Variants in MOCOS observed in about 807,000 individuals in gnomAD.
MOCOS encodes molybdenum cofactor sulfurase.
Under a neutral mutation model 83.6 loss-of-function variants are expected in MOCOS, and 86 were observed. That is an observed-to-expected ratio of 1.03 (90% CI 0.86 to 1.23). The LOEUF (loss-of-function observed/expected upper bound fraction) is 1.23. Among genes scored for constraint, MOCOS ranks in the 50% most tolerant of loss-of-function variants. The pLI, the probability that MOCOS is intolerant of heterozygous loss-of-function variation, is 0.00. For missense variants in MOCOS, 1,120 were observed against 1,126.9 expected (o/e 0.99, Z 0.09); for synonymous variants, 445 against 434.7 (o/e 1.02, Z -0.29).
chr18:36,202,505 T>G (rs980815967), intron 4 of MOCOS, among the ~76,000 whole-genome samples: 7 of 152,050 alleles, frequency 4.6e-5, no homozygotes, highest in Non-Finnish European at 7.4e-5. Flanking sequence ...CCCTAGGAAA[T>G]TTAGAGCAGC....
At chr18:36,191,765 CACACAT>C (rs1016529928) in intron 1 of MOCOS, among the ~76,000 whole-genome samples, 19 of 148,184 alleles carry the variant, frequency 1.3e-4, no homozygotes, top group African/African-American at 3.0e-4. Flanking sequence ...CACACACACA[CACACAT>C]GTGAGCCATA....
At chr18:36,256,254 C>A (rs978154713) in intron 11 of MOCOS, among the ~76,000 whole-genome samples, 1 of 152,064 alleles carries the variant, frequency 6.6e-6, no homozygotes, top group African/African-American at 2.4e-5. Flanking sequence ...TGGCACTTGC[C>A]CAAGGGCAAA....
intron 3 of MOCOS, among the ~76,000 whole-genome samples, chr18:36,199,427 T>C (rs1038328153): frequency 6.6e-6 from 1 of 152,232 alleles, no homozygotes; most frequent in Non-Finnish European, 1.5e-5. Flanking sequence ...GTATCAACTC[T>C]GATTAAGTTT....
chr18:36,200,025 C>T lies in MOCOS; in HGVS notation c.642C>T (p.Ser214=). The change falls in exon 4 of 15, where the codon TCC becomes TCT. Residue 214 remains serine (S), a synonymous_variant. Coordinates refer to ENST00000261326, the MANE Select transcript of MOCOS (RefSeq NM_017947.4). ...SNFSGVRYPL[S]WIEEVKSGRL... Reference sequence around the variant, plus strand: ...TTTCTGGAGTCAGATACCCCCTGTCCTGGATAGAAGAGGTCAAGTCTGGGC... The same window carrying T: ...TTTCTGGAGTCAGATACCCCCTGTCTTGGATAGAAGAGGTCAAGTCTGGGC... 6.2e-7 allele frequency: 1 copy of T among 1,614,218 alleles called. No homozygotes were observed. Among genetic ancestry groups the T allele is most frequent in the South Asian group, 1.1e-5 (1 of 91,078 alleles).
At position 36,268,880 on chromosome 18, in the gene MOCOS, C is replaced by T; in HGVS notation, c.*195C>T. The stretch of plus-strand genomic sequence containing the variant: ...TTTGCACTGGCTGTGCTCAGGAGAG[C>T]ACTTCTGAGGCCTCAGGAACGAATG... On this transcript the variant is annotated 3_prime_UTR_variant, in exon 15 of 15. Coordinates refer to ENST00000261326, the MANE Select transcript of MOCOS (RefSeq NM_017947.4). The T allele has an allele frequency of 1.7e-6, 1 of 605,224 alleles. No homozygotes were observed. 37.5% of individuals were successfully genotyped at this position (605,224 alleles called of 1,614,324 possible).
chr18:36,195,106 G>C (rs1439378582), intron 1 of MOCOS, 151 bp from the exon 2 acceptor site: 1 of 717,098 alleles, frequency 1.4e-6, no homozygotes, highest in Non-Finnish European at 2.5e-6. Context: ...TCCTTCCACT[G>C]CTCATGCCTA....
At chr18:36,201,287 G>A (rs1357699607) in intron 4 of MOCOS, among the ~76,000 whole-genome samples, 1 of 152,224 alleles carries the variant, frequency 6.6e-6, no homozygotes, top group East Asian at 1.9e-4. Context: ...GACCACTGGG[G>A]AATGAGTCCC....
chr18:36,260,042 A>G lies in MOCOS; in HGVS notation c.2276A>G (p.Glu759Gly), dbSNP rs77772031. Residue 759 changes from glutamate (E) to glycine (G), a missense_variant, in exon 13 of 15, where the codon GAG becomes GGG. Glu to Gly is a moderately conservative substitution (Grantham distance 98). Coordinates refer to ENST00000261326, the MANE Select transcript of MOCOS (RefSeq NM_017947.4). The stretch of plus-strand genomic sequence containing the variant: ...TTTTTGGTTGCTTTAATCAGTGATG[A>G]GAATGGAAAGGAGGAATTATTCTCA... ...ELHRQLNTSDENGKEELFSLK... is the reference protein window; with the variant it reads ...ELHRQLNTSDGNGKEELFSLK... 2.0e-3 allele frequency: 3,148 copies of G among 1,614,192 alleles called. 52 individuals carry two copies. The African/African-American group carries it at 0.036, about 18-fold the overall frequency.
At chr18:36,240,550 G>A (rs1018160825) in intron 9 of MOCOS, among the ~76,000 whole-genome samples, 7 of 151,208 alleles carry the variant, frequency 4.6e-5, no homozygotes, top group African/African-American at 1.7e-4. Context: ...CTGTCAGACA[G>A]GGACATTTAA....
In MOCOS at chr18:36,251,290, C is replaced by A; in HGVS notation, c.2164+7C>A. 6 of 1,613,894 alleles carry A rather than the reference C, an allele frequency of 3.7e-6. No individual in the cohort carries two copies. Among genetic ancestry groups the A allele is most frequent in the Non-Finnish European group, 5.1e-6 (6 of 1,179,908 alleles). On this transcript the variant is annotated splice_region_variant and intron_variant, in intron 11 of 14. Transcript: ENST00000261326. The stretch of plus-strand genomic sequence containing the variant: ...AAGAAGAAACATGGAAAAGGTATTA[C>A]ATTTTGAATTGGTTCGTAGAGAACA...
chr18:36,204,265 C>CT (rs2091426061), intron 5 of MOCOS, among the ~76,000 whole-genome samples: 2 of 152,028 alleles, frequency 1.3e-5, no homozygotes. Context: ...CTTGGAACTA[C>CT]TTTTTTTTCT....
In MOCOS at chr18:36,259,904, T is replaced by C. The variant is rs1448491845; in HGVS notation, c.2271-133T>C. 5.4e-6 allele frequency: 7 copies of C among 1,285,174 alleles called. No individual in the cohort carries two copies. The African/African-American group carries it at 1.0e-4, about 19-fold the overall frequency. The allele number at this position is 1,285,174 out of a possible 1,614,324, so 79.6% of individuals were successfully genotyped here. On this transcript the variant is annotated intron_variant, in intron 12 of 14. Transcript: ENST00000261326. Reference sequence around the variant, plus strand: ...CTTGCACTCATGGTAAAAGTCTGTTTTGATTATCCAGGGCACAGGCCACAG... The same window carrying C: ...CTTGCACTCATGGTAAAAGTCTGTTCTGATTATCCAGGGCACAGGCCACAG...
At chr18:36,214,269 A>AAAAAAAAG (rs2091467460) in intron 7 of MOCOS, among the ~76,000 whole-genome samples, 7 of 8,842 alleles carry the variant, frequency 7.9e-4, no homozygotes, top group Admixed American at 0.013. Flanking sequence ...AAAAGAAAAG[A>AAAAAAAAG]AAAAAAAGAA....
At chr18:36,249,529 G>A (rs1469830460) in intron 10 of MOCOS, among the ~76,000 whole-genome samples, 4 of 152,140 alleles carry the variant, frequency 2.6e-5, no homozygotes, top group Non-Finnish European at 4.4e-5. Context: ...GACACAGAAG[G>A]AACAGTCTGG....
In MOCOS at chr18:36,210,850, C is replaced by CAAAAAAAAAAAA. The variant is rs60856965; in HGVS notation, c.1219-2497_1219-2486dup. On this transcript the variant is annotated intron_variant, in intron 6 of 14. Coordinates refer to ENST00000261326, the MANE Select transcript of MOCOS (RefSeq NM_017947.4). ...TGGGTGACAGAGCAAGACTCTGTCT[C>CAAAAAAAAAAAA]AAAAAAAAAAAAAAAAAAAAAAAAA... is the stretch of plus-strand genomic sequence containing the variant. 5.0e-3 allele frequency among the ~76,000 whole-genome samples: 241 copies of CAAAAAAAAAAAA among 48,048 alleles called. 28 individuals are homozygous for CAAAAAAAAAAAA. The highest frequency in any genetic ancestry group is 5.9e-3 in the East Asian group (7 of 1,180). The allele number at this position is 48,048 out of a possible 152,430, so 31.5% of individuals were successfully genotyped here. A position where few individuals can be genotyped will look rare whatever the true frequency, so the allele number is the denominator to read the frequency against.
chr18:36,195,260 C>T lies in MOCOS; in HGVS notation c.146C>T (p.Thr49Ile), dbSNP rs1222453942. 1 of 1,613,734 alleles carries T rather than the reference C, an allele frequency of 6.2e-7. No individual in the cohort carries two copies. The highest frequency in any genetic ancestry group is 8.5e-7 in the Non-Finnish European group (1 of 1,179,720). ...RAREFSRLAG[T>I]VYLDHAGATL... ...TTTATTTTGTGTTTTCTTTCAGGAA[C>T]TGTCTATCTTGACCATGCAGGTGCC... Residue 49 changes from threonine to isoleucine, a missense_variant, in exon 2 of 15, where the codon ACT (threonine) becomes ATT (isoleucine). Coordinates refer to ENST00000261326, the MANE Select transcript of MOCOS (RefSeq NM_017947.4).
At chr18:36,247,917 A>T (rs2091608349) in intron 9 of MOCOS, among the ~76,000 whole-genome samples, 1 of 152,176 alleles carries the variant, frequency 6.6e-6, no homozygotes, top group Non-Finnish European at 1.5e-5. Flanking sequence ...CCTGTCTCCT[A>T]TCCACTGTTC....
At chr18:36,256,518 C>T (rs963642003) in intron 11 of MOCOS, among the ~76,000 whole-genome samples, 49 of 151,016 alleles carry the variant, frequency 3.2e-4, no homozygotes, top group African/African-American at 1.1e-3. Context: ...GGTGTGATCT[C>T]GGCTCACTGC....
intron 7 of MOCOS, 146 bp from the exon 8 acceptor site, chr18:36,215,370 G>A (rs1763280394): frequency 1.3e-6 from 1 of 797,220 alleles, no homozygotes; most frequent in Non-Finnish European, 2.1e-6. Context: ...GCTGAACTAT[G>A]TCCCAGACGC....
Sources: allele counts gnomAD v4.1 joint callset (sites outside exome capture counted in the v4.1 genomes callset), GRCh38; gene constraint gnomAD v4.1.1; transcripts MANE v1.5; gene names NCBI Gene and HGNC (gene_info 2026-07-23, HGNC 2026-07-21).